GNB5: variants seen among roughly 807,000 people sequenced by gnomAD.
GNB5 encodes guanine nucleotide-binding protein subunit beta-5.
In GNB5, 37 loss-of-function variants were observed where a neutral mutation model predicts 55.3. The observed-to-expected ratio is 0.67, with a 90% confidence interval of 0.51 to 0.88. The LOEUF is 0.88. Ranked by LOEUF, GNB5 falls within the 40% of genes least tolerant of loss-of-function variation. The probability of loss-of-function intolerance (pLI) is 0.00; values close to 1 mark genes in which losing one functional copy is unlikely to be tolerated. For synonymous variants in GNB5, 219 were observed against 198.5 expected, an observed-to-expected ratio of 1.10 and a Z score of -0.87; for missense variants, 476 against 515.3, an observed-to-expected ratio of 0.92 and a Z score of 0.74.
intron 3 of GNB5, among the ~76,000 whole-genome samples, chr15:52,178,192 G>C (rs1050287801): frequency 2.0e-5 from 3 of 152,192 alleles, no homozygotes; most frequent in Non-Finnish European, 4.4e-5. Context: ...GATTGCCTGG[G>C]GGGAATCCGG....
In GNB5 at chr15:52,119,144, G is replaced by T; in HGVS notation, c.*3613C>A. Reference sequence around the variant, plus strand: ...AAGGGGAAGGAAGGAGACCAGGAGAGAGGTGGAACAGGGAGACAGAGGAAG... The same window carrying T: ...AAGGGGAAGGAAGGAGACCAGGAGATAGGTGGAACAGGGAGACAGAGGAAG... On this transcript the variant is annotated 3_prime_UTR_variant, in exon 13 of 13. Transcript: ENST00000261837. 6.9e-6 allele frequency: 1 copy of T among 143,948 alleles called. No homozygotes were observed. The allele number at this position is 143,948 out of a possible 1,614,324, so 8.9% of individuals were successfully genotyped here.
At chr15:52,178,164 A>G (rs769140886) in intron 3 of GNB5, among the ~76,000 whole-genome samples, 30 of 152,230 alleles carry the variant, frequency 2.0e-4, no homozygotes, top group Non-Finnish European at 4.0e-4. Context: ...ATCTGAAGTG[A>G]GCCTGAGCTG....
intron 3 of GNB5, among the ~76,000 whole-genome samples, chr15:52,157,571 C>T (rs574525595): frequency 2.6e-5 from 4 of 152,214 alleles, no homozygotes; most frequent in South Asian, 2.1e-4. Flanking sequence ...AAGGCTCTAT[C>T]GGCCCAGAGT....
At chr15:52,154,174 C>G (rs2034159952) in intron 3 of GNB5, 98 bp from the exon 4 acceptor site, 1 of 1,123,346 alleles carries the variant, frequency 8.9e-7, no homozygotes. Context: ...AGGGAGGCGG[C>G]CCCATGGGCT....
intron 9 of GNB5, among the ~76,000 whole-genome samples, chr15:52,129,138 T>C (rs2141186674): frequency 6.6e-6 from 1 of 152,176 alleles, no homozygotes; most frequent in South Asian, 2.1e-4. Context: ...GTATTTTTAG[T>C]AGAGACGGGG....
chr15:52,149,657 G>T, intron 5 of GNB5: 2 of 617,488 alleles, frequency 3.2e-6, no homozygotes, highest in South Asian at 1.9e-5. Flanking sequence ...CAGCCCCTAT[G>T]GTGGCTCTAA....
intron 8 of GNB5, among the ~76,000 whole-genome samples, chr15:52,135,326 C>T (rs1017484708): frequency 1.3e-5 from 2 of 152,166 alleles, no homozygotes; most frequent in Non-Finnish European, 2.9e-5. Context: ...AGTTGCAGCA[C>T]TCATACAGGA....
Position 52,133,444 on chromosome 15 carries a change from C to T in GNB5, c.797G>A (p.Trp266Ter). The change falls in exon 9 of 13, where the codon TGG becomes TAG. Residue 266 changes from tryptophan (W) to a stop codon, truncating the protein, a stop_gained. Coordinates refer to ENST00000261837, the MANE Select transcript of GNB5 (RefSeq NM_016194.4). LOFTEE classifies it high-confidence loss of function. ...CACGCACTGGCCGGAGCGCATGTCC[C>T]ACACCATGGCTTTCTTGTCACATCC... Reference protein sequence around the residue: ...SGGCDKKAMVWDMRSGQCVQA... With the variant: ...SGGCDKKAMV 1 of 1,612,832 alleles carries T rather than the reference C, an allele frequency of 6.2e-7. No individual in the cohort carries two copies. The highest frequency in any genetic ancestry group is 8.5e-7 in the Non-Finnish European group (1 of 1,178,790).
At chr15:52,162,873 A>T (rs2034364026) in intron 3 of GNB5, 1 of 152,238 alleles carries the variant, frequency 6.6e-6, no homozygotes, top group Non-Finnish European at 1.5e-5. Flanking sequence ...AAACAAACAA[A>T]AAAACCCCAC....
At chr15:52,132,113 T>C (rs570064018) in intron 9 of GNB5, among the ~76,000 whole-genome samples, 5 of 152,252 alleles carry the variant, frequency 3.3e-5, no homozygotes, top group African/African-American at 1.2e-4. Context: ...ATCCCTTGCA[T>C]CTGCCAGTGT....
intron 7 of GNB5, chr15:52,136,946 G>A (rs1334826657): frequency 2.2e-6 from 1 of 451,806 alleles, no homozygotes; most frequent in Non-Finnish European, 4.4e-6. Context: ...CCTGCTCCTG[G>A]GAGAAAAGAC....
chr15:52,154,139 C>T, intron 3 of GNB5, 63 bp from the exon 4 acceptor site: 2 of 1,526,088 alleles, frequency 1.3e-6, no homozygotes, highest in Non-Finnish European at 1.8e-6. Flanking sequence ...TTTGGGCTGA[C>T]ACAGCACAGA....
chr15:52,172,658 G>A (rs1880668575), intron 3 of GNB5, among the ~76,000 whole-genome samples: 3 of 152,202 alleles, frequency 2.0e-5, no homozygotes, highest in South Asian at 4.2e-4. Flanking sequence ...GCACACACCT[G>A]TAGTCCCAGC....
intron 6 of GNB5, among the ~76,000 whole-genome samples, chr15:52,144,745 G>C (rs548449015): frequency 5.3e-5 from 8 of 152,294 alleles, no homozygotes; most frequent in African/African-American, 1.9e-4. Flanking sequence ...CACACAGGCA[G>C]TGTGTGGTCA....
Position 52,154,068 on chromosome 15 carries a change from C to G in GNB5, c.247G>C (p.Val83Leu). 2 of 1,613,952 alleles carry G rather than the reference C, an allele frequency of 1.2e-6. No homozygotes were observed. Among genetic ancestry groups the G allele is most frequent in the Non-Finnish European group, 1.7e-6 (2 of 1,179,914 alleles). ...AKLHDVELHQVAERVEALGQF... is the reference protein window; with the variant it reads ...AKLHDVELHQLAERVEALGQF... ...CCCAGGGCCTCCACCCGCTCCGCCACCTGGTGCACTGGAATGACAAGGCCA... is the reference window on the plus strand; with the variant it reads ...CCCAGGGCCTCCACCCGCTCCGCCAGCTGGTGCACTGGAATGACAAGGCCA... The change falls in exon 4 of 13, where the codon GTG (valine) becomes CTG (leucine). Residue 83 changes from valine to leucine, a missense_variant. Coordinates refer to ENST00000261837, the MANE Select transcript of GNB5 (RefSeq NM_016194.4).
At chr15:52,128,765 C>G (rs2033496389) in intron 9 of GNB5, 2 of 456,228 alleles carry the variant, frequency 4.4e-6, no homozygotes, top group Non-Finnish European at 8.8e-6. Flanking sequence ...TGCAAAGAAT[C>G]TGGCATGGTG....
chr15:52,166,144 A>C (rs2034446370), intron 3 of GNB5, among the ~76,000 whole-genome samples: 1 of 152,254 alleles, frequency 6.6e-6, no homozygotes, highest in South Asian at 2.1e-4. Flanking sequence ...AGAGCTAACT[A>C]TTCTAAATAT....
chr15:52,159,694 G>C (rs774693596), intron 3 of GNB5, among the ~76,000 whole-genome samples: 1 of 152,150 alleles, frequency 6.6e-6, no homozygotes, highest in African/African-American at 2.4e-5. Flanking sequence ...CCAGATGCTT[G>C]GGTACAGAAA....
chr15:52,147,343 T>A, intron 6 of GNB5, 116 bp downstream of exon 6: 3 of 737,854 alleles, frequency 4.1e-6, no homozygotes, highest in African/African-American at 1.7e-5. Context: ...GGATTTAGCA[T>A]ACTGCTAAAC....
Sources: gnomAD v4.1 joint callset for allele counts (sites outside exome capture counted in the v4.1 genomes callset) on GRCh38, gnomAD v4.1.1 for gene constraint, MANE v1.5 for transcripts, NCBI Gene and HGNC (gene_info 2026-07-23, HGNC 2026-07-21) for gene names.